Variants in GPD1 observed in about 807,000 individuals in gnomAD.
GPD1 encodes the protein glycerol-3-phosphate dehydrogenase [NAD(+)], cytoplasmic.
In GPD1, 19 loss-of-function variants were observed where a neutral mutation model predicts 34.4. The observed-to-expected ratio is 0.55, with a 90% CI of 0.39 to 0.81. GPD1 has a LOEUF of 0.81. GPD1 is among the 30% of genes least tolerant of loss of function. The pLI is 0.00. For missense variants in GPD1, 429 were observed against 447.0 expected (o/e 0.96, Z 0.36); for synonymous variants, 172 against 174.1 (o/e 0.99, Z 0.09).
chr12:50,106,450 T>C, intron 4 of GPD1, 24 bp downstream of exon 4: 1 of 1,605,500 alleles, frequency 6.2e-7, no homozygotes, highest in Non-Finnish European at 8.5e-7. Context: ...GGCACCTGCA[T>C]ACACAGTGCA....
rs1951015196 is a variant in GPD1 at position 50,110,498 on chromosome 12, C to T, written c.*979C>T. ...CCAGAGGACATCCCTGACTCCACCC[C>T]TTTCTTCCTCCCAAACTCTGCACCT... On this transcript the variant is annotated 3_prime_UTR_variant, in exon 8 of 8. Coordinates refer to ENST00000301149, the MANE Select transcript of GPD1 (RefSeq NM_005276.4). 6.5e-6 allele frequency: 1 copy of T among 152,916 alleles called. No individual in the cohort carries two copies. Among genetic ancestry groups the T allele is most frequent in the Admixed American group, 6.5e-5 (1 of 15,286 alleles). The allele number at this position is 152,916 out of a possible 1,614,324, so 9.5% of individuals were successfully genotyped here. A position where few individuals can be genotyped will look rare whatever the true frequency, so the allele number is the denominator to read the frequency against.
chr12:50,106,172 A>G (rs1950976631), intron 3 of GPD1, 116 bp from the exon 4 acceptor site: 7 of 925,130 alleles, frequency 7.6e-6, no homozygotes, highest in Non-Finnish European at 1.1e-5. Flanking sequence ...GGAATGGGGC[A>G]GGACCTGTCG....
intron 7 of GPD1, among the ~76,000 whole-genome samples, chr12:50,108,885 C>T (rs543245322): frequency 8.3e-4 from 127 of 152,140 alleles, no homozygotes; most frequent in African/African-American, 2.8e-3. Flanking sequence ...ACCTGTAATC[C>T]CAGCACTTTG....
At chr12:50,105,282 C>T (rs913876710) in intron 2 of GPD1, 1 of 504,340 alleles carries the variant, frequency 2.0e-6, no homozygotes, top group African/African-American at 1.9e-5. Context: ...CCGCACTGTC[C>T]CACAGCCAAG....
rs1950973042 is a variant in GPD1, at chr12:50,105,695, G to C, written c.360+7G>C. Reference sequence around the variant, plus strand: ...TGGCATATCTCTTATTAAGGTGCCAGGGACACCTTCATGTGGATGGGGGAG... The same window carrying C: ...TGGCATATCTCTTATTAAGGTGCCACGGACACCTTCATGTGGATGGGGGAG... On this transcript the variant is annotated splice_region_variant and intron_variant, in intron 3 of 7. Coordinates refer to ENST00000301149, the MANE Select transcript of GPD1 (RefSeq NM_005276.4). 1 of 1,613,070 alleles carries C rather than the reference G, an allele frequency of 6.2e-7. No homozygotes were observed. The highest frequency in any genetic ancestry group is 1.3e-5 in the African/African-American group (1 of 74,904).
chr12:50,107,044 T>C, intron 5 of GPD1, 127 bp downstream of exon 5: 1 of 719,526 alleles, frequency 1.4e-6, no homozygotes, highest in Non-Finnish European at 2.5e-6. Flanking sequence ...TCCTACCATG[T>C]CCCATGCATA....
At chr12:50,106,013 G>A (rs1350084116) in intron 3 of GPD1, 2 of 626,792 alleles carry the variant, frequency 3.2e-6, no homozygotes, top group African/African-American at 1.8e-5. Context: ...ACTGGTCACT[G>A]AATGGCAGTT....
At chr12:50,107,134 C>G in intron 5 of GPD1, 1 of 685,796 alleles carries the variant, frequency 1.5e-6, no homozygotes, top group Non-Finnish European at 2.7e-6. Flanking sequence ...CCCCTTGCTC[C>G]TGTCCCATTT....
rs150205425 is a variant in GPD1 at position 50,109,099 on chromosome 12, C to T, written c.954-324C>T. Among the ~76,000 whole-genome samples, 1,073 of 143,308 alleles carry T rather than the reference C, an allele frequency of 7.5e-3. 16 individuals carry two copies. Among genetic ancestry groups the T allele is most frequent in the African/African-American group, 0.025 (988 of 38,790 alleles). The allele number at this position is 143,308 out of a possible 152,430, so 94.0% of individuals were successfully genotyped here. On this transcript the variant is annotated intron_variant, in intron 7 of 7. Coordinates refer to ENST00000301149, the MANE Select transcript of GPD1 (RefSeq NM_005276.4). The stretch of plus-strand genomic sequence containing the variant: ...GCAGTGAGCCAAGATTGCACCACTG[C>T]GCTCCAGCCTAGGCGACAGAGCGAG...
At position 50,109,495 on chromosome 12, in the gene GPD1, G is replaced by A. The variant is rs34013306; in HGVS notation, c.1026G>A (p.Leu342=). The A allele has an allele frequency of 1.4e-3, 2,163 of 1,568,160 alleles. 27 individuals are homozygous for A. In the African/African-American group the frequency reaches 0.026, roughly 19 times the overall value. ...CAGTGGGTGAATTCATCCACTGCCT[G>A]CAGAATCATCCAGAACATATGTGAG... The part of the protein sequence containing the change: ...GQPVGEFIHC[L]QNHPEHM The change falls in exon 8 of 8, where the codon CTG becomes CTA. Residue 342 remains leucine, a synonymous_variant. Transcript: ENST00000301149.
rs1244098303 is a variant in GPD1, at chr12:50,109,632, T to C, written c.*113T>C. 3.0e-6 allele frequency: 2 copies of C among 660,702 alleles called. No individual in the cohort carries two copies. Among genetic ancestry groups the C allele is most frequent in the African/African-American group, 3.6e-5 (2 of 55,962 alleles). The allele number at this position is 660,702 out of a possible 1,614,324, so 40.9% of individuals were successfully genotyped here. A position where few individuals can be genotyped will look rare whatever the true frequency, so the allele number is the denominator to read the frequency against. ...ACTCCCAGGGAGCAGAGTCTTCTCA[T>C]CTTTTCACTGGAGGACAGGAGGCTA... On this transcript the variant is annotated 3_prime_UTR_variant, in exon 8 of 8. Transcript: ENST00000301149.
At chr12:50,106,026 T>C in intron 3 of GPD1, 2 of 622,722 alleles carry the variant, frequency 3.2e-6, no homozygotes, top group Non-Finnish European at 5.8e-6. Context: ...TGGCAGTTTG[T>C]TGGGGCAGTC....
chr12:50,108,229 G>T, intron 7 of GPD1, 99 bp downstream of exon 7: 1 of 730,136 alleles, frequency 1.4e-6, no homozygotes, highest in South Asian at 1.5e-5. Flanking sequence ...CTGTGAAGTG[G>T]ACAGAAAGGG....
chr12:50,107,526 G>A, intron 5 of GPD1, 41 bp from the exon 6 acceptor site: 1 of 1,459,216 alleles, frequency 6.9e-7, no homozygotes, highest in Non-Finnish European at 9.6e-7. Context: ...GGGGCCTATA[G>A]GAGGGGGTCT....
intron 5 of GPD1, 38 bp from the exon 6 acceptor site, chr12:50,107,529 G>A (rs1950989368): frequency 6.8e-7 from 1 of 1,477,912 alleles, no homozygotes; most frequent in Non-Finnish European, 9.5e-7. Context: ...GCCTATAGGA[G>A]GGGGTCTTTT....
intron 3 of GPD1, 60 bp downstream of exon 3, chr12:50,105,748 G>A (rs1179079339): frequency 1.9e-6 from 3 of 1,552,756 alleles, no homozygotes; most frequent in Non-Finnish European, 2.7e-6. Context: ...TGGGGTTCAG[G>A]GTGGGTGAAG....
At chr12:50,109,368 G>A (rs1783713394) in intron 7 of GPD1, 55 bp from the exon 8 acceptor site, 14 of 887,140 alleles carry the variant, frequency 1.6e-5, no homozygotes, top group Non-Finnish European at 2.3e-5. Flanking sequence ...TGGGGGTGGG[G>A]GTAGAGTGGA....
At position 50,104,050 on chromosome 12, in the gene GPD1, C is replaced by T; in HGVS notation, c.-1C>T. 6.2e-7 allele frequency: 1 copy of T among 1,614,078 alleles called. No individual in the cohort carries two copies. The highest frequency in any genetic ancestry group is 8.5e-7 in the Non-Finnish European group (1 of 1,179,976). ...GCCGGCTCAGGCAGAGACGCGGCAC[C>T]ATGGCTAGCAAGAAAGTCTGCATTG... On this transcript the variant is annotated 5_prime_UTR_variant, in exon 1 of 8. Coordinates refer to ENST00000301149, the MANE Select transcript of GPD1 (RefSeq NM_005276.4).
chr12:50,104,729 G>A lies in GPD1; in HGVS notation c.197G>A (p.Gly66Glu). 1 of 1,614,030 alleles carries A rather than the reference G, an allele frequency of 6.2e-7. No individual in the cohort carries two copies. The highest frequency in any genetic ancestry group is 8.5e-7 in the Non-Finnish European group (1 of 1,179,932). ...TQHENVKYLPGHKLPPNVVAV... is the reference protein window; with the variant it reads ...TQHENVKYLPEHKLPPNVVAV... The stretch of plus-strand genomic sequence containing the variant: ...CATGAGAATGTCAAATACCTGCCAG[G>A]GCACAAGTTGCCCCCAAATGTGGTG... The change falls in exon 2 of 8, where the codon GGG (glycine) becomes GAG (glutamate). Residue 66 changes from glycine (G) to glutamate (E), a missense_variant. Coordinates refer to ENST00000301149, the MANE Select transcript of GPD1 (RefSeq NM_005276.4).
Sources: allele counts gnomAD v4.1 joint callset (sites outside exome capture counted in the v4.1 genomes callset), GRCh38; gene constraint gnomAD v4.1.1; transcripts MANE v1.5; gene names NCBI Gene and HGNC (gene_info 2026-07-23, HGNC 2026-07-21).